SLC5A8: variants seen among roughly 807,000 people sequenced by gnomAD.
SLC5A8 encodes solute carrier family 5 member 8.
Under a neutral mutation model 71.9 loss-of-function variants are expected in SLC5A8, and 55 were observed. The observed-to-expected ratio is 0.77, with a 90% confidence interval of 0.62 to 0.96. The LOEUF (loss-of-function observed/expected upper bound fraction) is 0.96. SLC5A8 is among the 40% of genes least tolerant of loss of function. The pLI is 0.00. For synonymous variants in SLC5A8, 307 were observed against 276.1 expected (o/e 1.11, Z -1.11); for missense variants, 701 against 745.3 (o/e 0.94, Z 0.69).
rs1484989747 is a variant in SLC5A8 at position 101,180,045 on chromosome 12, A to G, written c.1217T>C (p.Met406Thr). Reference protein sequence around the residue: ...CIGMAALASLMGALLQAALSV... With the variant: ...CIGMAALASLTGALLQAALSV... The stretch of plus-strand genomic sequence containing the variant: ...AGCTCTCACCTGCAACAAAGCTCCC[A>G]TAAGTGACGCCAGCGCAGCCATTCC... Residue 406 changes from methionine to threonine, a missense_variant, in exon 10 of 15, where the codon ATG becomes ACG. Met to Thr is a moderately conservative substitution (Grantham distance 81, BLOSUM62 -1). Coordinates refer to ENST00000536262, the MANE Select transcript of SLC5A8 (RefSeq NM_145913.5). The G allele has an allele frequency of 5.0e-6, 8 of 1,614,066 alleles. No individual in the cohort carries two copies. Among genetic ancestry groups the G allele is most frequent in the African/African-American group, 1.3e-5 (1 of 75,048 alleles).
At chr12:101,192,889 T>C (rs1368631750) in intron 5 of SLC5A8, among the ~76,000 whole-genome samples, 4 of 150,612 alleles carry the variant, frequency 2.7e-5, no homozygotes, top group Admixed American at 6.6e-5. Context: ...TCTTTCAGTG[T>C]CTGTCTCTGT....
intron 12 of SLC5A8, among the ~76,000 whole-genome samples, chr12:101,162,664 T>A (rs543360614): frequency 8.5e-5 from 13 of 152,280 alleles, no homozygotes; most frequent in African/African-American, 3.1e-4. Flanking sequence ...ATACCACATG[T>A]TCTCACTTAT....
chr12:101,161,950 C>A (rs1566305033), intron 13 of SLC5A8, 24 bp downstream of exon 13: 2 of 1,505,394 alleles, frequency 1.3e-6, no homozygotes, highest in Non-Finnish European at 1.8e-6. Flanking sequence ...GTAAATACAA[C>A]AATACTAATG....
chr12:101,194,644 T>A lies in SLC5A8; in HGVS notation c.537+451A>T, dbSNP rs566088383. Among the ~76,000 whole-genome samples the A allele has an allele frequency of 6.6e-3, 1,000 of 152,148 alleles. 13 individuals are homozygous for A. The highest frequency in any genetic ancestry group is 0.022 in the African/African-American group (933 of 41,510). ...CCATGCCTCCTAATTTTAAAAAATT[T>A]TTTTTGTTTTTTTGTAGAGACAGAG... On this transcript the variant is annotated intron_variant, in intron 4 of 14. Coordinates refer to ENST00000536262, the MANE Select transcript of SLC5A8 (RefSeq NM_145913.5).
intron 2 of SLC5A8, among the ~76,000 whole-genome samples, chr12:101,203,299 T>C (rs1869535712): frequency 6.6e-6 from 1 of 152,168 alleles, no homozygotes; most frequent in Non-Finnish European, 1.5e-5. Context: ...TCAAGTTACA[T>C]AATTTACAAA....
At chr12:101,179,677 G>A (rs2051913651) in intron 10 of SLC5A8, among the ~76,000 whole-genome samples, 3 of 152,166 alleles carry the variant, frequency 2.0e-5, no homozygotes. Flanking sequence ...ATGGGCAACA[G>A]CAAGGATTCT....
At chr12:101,205,014 C>A (rs1869619206) in intron 1 of SLC5A8, among the ~76,000 whole-genome samples, 1 of 152,192 alleles carries the variant, frequency 6.6e-6, no homozygotes, top group Non-Finnish European at 1.5e-5. Flanking sequence ...ATACATTTTT[C>A]TTGGCTCACC....
At chr12:101,171,769 G>A (rs1192007828) in intron 10 of SLC5A8, among the ~76,000 whole-genome samples, 2 of 152,236 alleles carry the variant, frequency 1.3e-5, no homozygotes, top group African/African-American at 4.8e-5. Flanking sequence ...TGCTCAGTGG[G>A]TGGCCAAAAT....
At chr12:101,200,427 A>G (rs1191941580) in intron 3 of SLC5A8, among the ~76,000 whole-genome samples, 1 of 152,034 alleles carries the variant, frequency 6.6e-6, no homozygotes, top group East Asian at 1.9e-4. Flanking sequence ...AACAGGCATC[A>G]GGTGGTCAGG....
chr12:101,204,393 A>G (rs1475856404), intron 2 of SLC5A8, 107 bp downstream of exon 2: 2 of 945,876 alleles, frequency 2.1e-6, no homozygotes, highest in Non-Finnish European at 3.3e-6. Context: ...CATTTTTTCA[A>G]CATCTCTTTT....
chr12:101,208,818 ATGCTACACCT>A (rs1869786645), intron 1 of SLC5A8, among the ~76,000 whole-genome samples: 1 of 152,150 alleles, frequency 6.6e-6, no homozygotes, highest in Admixed American at 6.5e-5. Context: ...TCTATTCTAA[ATGCTACACCT>A]TGCATCATCT....
At chr12:101,171,604 G>A (rs1818562) in intron 10 of SLC5A8, among the ~76,000 whole-genome samples, 4 of 152,170 alleles carry the variant, frequency 2.6e-5, no homozygotes, top group Non-Finnish European at 4.4e-5. Flanking sequence ...TGAGCAGTTA[G>A]GGGAGATCAT....
intron 7 of SLC5A8, among the ~76,000 whole-genome samples, chr12:101,186,391 A>G (rs1312858589): frequency 6.6e-6 from 1 of 152,180 alleles, no homozygotes; most frequent in Non-Finnish European, 1.5e-5. Flanking sequence ...TGGGAGCATG[A>G]GATGCATTTG....
Position 101,166,546 on chromosome 12 carries a change from T to C in SLC5A8, c.1474A>G (p.Thr492Ala), listed in dbSNP as rs768724014. ...CTAGTAGTAAATGGCATTTCTGTGGTTGTCATCAAATTTGTCTCATTGTAG... is the reference window on the plus strand; with the variant it reads ...CTAGTAGTAAATGGCATTTCTGTGGCTGTCATCAAATTTGTCTCATTGTAG... ...STYNETNLMT[T>A]TEMPFTTSVF... The change falls in exon 12 of 15, where the codon ACC becomes GCC. Residue 492 changes from threonine (T) to alanine (A), a missense_variant. Thr to Ala is a moderately conservative substitution (Grantham distance 58). Coordinates refer to ENST00000536262, the MANE Select transcript of SLC5A8 (RefSeq NM_145913.5). The C allele has an allele frequency of 3.1e-6, 5 of 1,613,980 alleles. No homozygotes were observed. Among genetic ancestry groups the C allele is most frequent in the Non-Finnish European group, 4.2e-6 (5 of 1,179,938 alleles).
In SLC5A8 at chr12:101,180,046, T is replaced by A. The variant is rs1213411909; in HGVS notation, c.1216A>T (p.Met406Leu). ...CIGMAALASLMGALLQAALSV... is the reference protein window; with the variant it reads ...CIGMAALASLLGALLQAALSV... The stretch of plus-strand genomic sequence containing the variant: ...GCTCTCACCTGCAACAAAGCTCCCA[T>A]AAGTGACGCCAGCGCAGCCATTCCA... The change falls in exon 10 of 15, where the codon ATG (methionine) becomes TTG (leucine). Residue 406 changes from methionine to leucine, a missense_variant. Physicochemically the swap from Met to Leu is conservative, Grantham distance 15. Transcript: ENST00000536262. 3 of 1,614,002 alleles carry A rather than the reference T, an allele frequency of 1.9e-6. No individual in the cohort carries two copies. Among genetic ancestry groups the A allele is most frequent in the Non-Finnish European group, 2.5e-6 (3 of 1,179,926 alleles).
chr12:101,187,354 A>C, intron 7 of SLC5A8, 32 bp downstream of exon 7: 1 of 1,593,214 alleles, frequency 6.3e-7, no homozygotes, highest in South Asian at 1.2e-5. Context: ...GAATATTATT[A>C]ATACACCTGT....
At chr12:101,202,056 G>T (rs1025766991) in intron 3 of SLC5A8, 108 bp downstream of exon 3, 16 of 1,081,286 alleles carry the variant, frequency 1.5e-5, no homozygotes, top group Admixed American at 7.9e-5. Flanking sequence ...GCTGATGCAG[G>T]TTACTAGAAG....
intron 10 of SLC5A8, among the ~76,000 whole-genome samples, chr12:101,176,343 G>A (rs1566311803): frequency 6.6e-6 from 1 of 151,886 alleles, no homozygotes; most frequent in Non-Finnish European, 1.5e-5. Flanking sequence ...AAGGGAAATA[G>A]ACAAATACAC....
intron 10 of SLC5A8, among the ~76,000 whole-genome samples, chr12:101,178,021 C>CA (rs1483016299): frequency 3.3e-5 from 5 of 151,966 alleles, no homozygotes; most frequent in Non-Finnish European, 5.9e-5. Context: ...AACAAAGAAG[C>CA]AAAAAATTAT....
Sources: gnomAD v4.1 joint callset for allele counts (sites outside exome capture counted in the v4.1 genomes callset) on GRCh38, gnomAD v4.1.1 for gene constraint, MANE v1.5 for transcripts, NCBI Gene and HGNC (gene_info 2026-07-23, HGNC 2026-07-21) for gene names.